The following SATL1 variants were observed in gnomAD, a reference collection of about 807,000 sequenced individuals.
SATL1 encodes the protein spermidine/spermine N(1)-acetyltransferase-like protein 1.
A neutral mutation model predicts 51.8 loss-of-function variants in SATL1; 47 were observed. The ratio of observed to expected loss-of-function variants is 0.91; its 90% CI spans 0.72 to 1.16. The LOEUF (loss-of-function observed/expected upper bound fraction) is 1.16, where lower values mean the gene tolerates loss of function less well. SATL1 is among the 50% of genes most tolerant of loss of function. SATL1 has a pLI of 0.00. For missense variants in SATL1, 520 were observed against 526.4 expected (o/e 0.99, Z 0.12); for synonymous variants, 176 against 182.4 (o/e 0.97, Z 0.28).
At chrX:85,102,110 T>C (rs1281357015) in intron 4 of SATL1, among the ~76,000 whole-genome samples, 1 of 109,406 alleles carries the variant, frequency 9.1e-6, no homozygotes, top group Non-Finnish European at 1.9e-5. Flanking sequence ...TACTTTAAGT[T>C]TTAGGGTACA....
At chrX:85,195,809 T>C (rs1927546016) in intron 2 of SATL1, among the ~76,000 whole-genome samples, 1 of 109,634 alleles carries the variant, frequency 9.1e-6, no homozygotes, top group Non-Finnish European at 1.9e-5. Flanking sequence ...ATAATAATAA[T>C]AATAATAATA....
intron 2 of SATL1, among the ~76,000 whole-genome samples, chrX:85,200,146 C>CT (rs1927660059): frequency 9.0e-6 from 1 of 111,062 alleles, no homozygotes; most frequent in African/African-American, 3.3e-5. Flanking sequence ...AAATCCCTCA[C>CT]TTTTTTTCAC....
intron 2 of SATL1, among the ~76,000 whole-genome samples, chrX:85,153,182 G>A (rs1371118484): frequency 9.1e-6 from 1 of 110,232 alleles, no homozygotes; most frequent in African/African-American, 3.3e-5. Flanking sequence ...TGGGAAAGAT[G>A]GGGGCAGGTA....
intron 2 of SATL1, among the ~76,000 whole-genome samples, chrX:85,178,866 T>C (rs1018589223): frequency 1.3e-4 from 15 of 111,725 alleles, no homozygotes; most frequent in Non-Finnish European, 2.8e-4. Context: ...TGATCATTTG[T>C]AACAAAATGC....
At chrX:85,125,748 A>G (rs1925612036) in intron 2 of SATL1, among the ~76,000 whole-genome samples, 1 of 109,650 alleles carries the variant, frequency 9.1e-6, no homozygotes, top group Non-Finnish European at 1.9e-5. Flanking sequence ...TTTTAAATAT[A>G]TATATATATA....
chrX:85,200,941 C>T (rs1927674554), intron 2 of SATL1, among the ~76,000 whole-genome samples: 1 of 110,564 alleles, frequency 9.0e-6, no homozygotes, highest in African/African-American at 3.3e-5. Flanking sequence ...GGTGTAGTGC[C>T]AATGAAGAAA....
At chrX:85,150,446 T>C (rs1225940667) in intron 2 of SATL1, among the ~76,000 whole-genome samples, 1 of 108,017 alleles carries the variant, frequency 9.3e-6, no homozygotes, top group Non-Finnish European at 1.9e-5. Flanking sequence ...AAAGAGGGAA[T>C]CCTCCCTAAC....
At chrX:85,128,838 G>C (rs1327458761) in intron 2 of SATL1, among the ~76,000 whole-genome samples, 2 of 111,976 alleles carry the variant, frequency 1.8e-5, no homozygotes, top group Non-Finnish European at 3.8e-5. Flanking sequence ...GTGTAAGGAA[G>C]GGATCCAGTT....
chrX:85,148,467 C>A (rs1332857420), intron 2 of SATL1, among the ~76,000 whole-genome samples: 2 of 110,128 alleles, frequency 1.8e-5, no homozygotes, highest in African/African-American at 3.3e-5. Flanking sequence ...ACAGAGAATG[C>A]CACAAAGATA....
chrX:85,097,877 A>G (rs1301727431), intron 4 of SATL1, among the ~76,000 whole-genome samples: 1 of 111,939 alleles, frequency 8.9e-6, no homozygotes, highest in Non-Finnish European at 1.9e-5. Context: ...CACTACAAAA[A>G]TAAAACACAC....
chrX:85,114,851 A>G (rs1338516167), intron 2 of SATL1, among the ~76,000 whole-genome samples: 2 of 112,450 alleles, frequency 1.8e-5, no homozygotes, highest in Non-Finnish European at 3.8e-5. Flanking sequence ...ATAAGGTAGG[A>G]TTCTTATAAA....
At chrX:85,224,417 A>G (rs1928236435) in intron 1 of SATL1, 91 bp from the exon 2 acceptor site, 2 of 111,622 alleles carry the variant, frequency 1.8e-5, no homozygotes, top group Admixed American at 1.9e-4. Flanking sequence ...GAGCATGGAC[A>G]TATCTTTTTG....
At chrX:85,134,330 T>TTTTC (rs1319947893) in intron 2 of SATL1, among the ~76,000 whole-genome samples, 1 of 110,971 alleles carries the variant, frequency 9.0e-6, no homozygotes, top group Non-Finnish European at 1.9e-5. Context: ...AGGGAAGGTA[T>TTTTC]GAAAGGAGGA....
chrX:85,147,554 C>T (rs1317183244), intron 2 of SATL1, among the ~76,000 whole-genome samples: 1 of 113,140 alleles, frequency 8.8e-6, no homozygotes, highest in African/African-American at 3.2e-5. Context: ...CCCGAGCAGC[C>T]TAACTAGGAG....
intron 2 of SATL1, chrX:85,210,128 T>G (rs919293060): frequency 9.5e-6 from 1 of 105,714 alleles, no homozygotes; most frequent in East Asian, 3.0e-4. Context: ...CAGAGAAACC[T>G]GCCTTCACTA....
chrX:85,126,535 C>CATT (rs1192651677), intron 2 of SATL1, among the ~76,000 whole-genome samples: 20 of 111,437 alleles, frequency 1.8e-4, no homozygotes, highest in African/African-American at 6.2e-4. Flanking sequence ...CATTTTACCA[C>CATT]TACTGCCGCT....
intron 2 of SATL1, chrX:85,117,260 T>C (rs1454853502): frequency 5.4e-5 from 6 of 111,750 alleles, no homozygotes; most frequent in African/African-American, 2.0e-4. Flanking sequence ...TATAATAAAC[T>C]TTCCCTCCTG....
chrX:85,166,935 ATGTGTATGTG>A (rs1177857648), intron 2 of SATL1, among the ~76,000 whole-genome samples: 1 of 84,734 alleles, frequency 1.2e-5, no homozygotes, highest in Non-Finnish European at 2.3e-5. Flanking sequence ...ATATATATAT[ATGTGTATGTG>A]TGTGTGTGTG....
chrX:85,133,362 T>C (rs936954325), intron 2 of SATL1, among the ~76,000 whole-genome samples: 1 of 112,028 alleles, frequency 8.9e-6, no homozygotes, highest in African/African-American at 3.2e-5. Flanking sequence ...GCCTCAGCAA[T>C]GGTGGACACC....
Sources: allele counts gnomAD v4.1 joint callset (sites outside exome capture counted in the v4.1 genomes callset), GRCh38; gene constraint gnomAD v4.1.1; transcripts MANE v1.5; gene names NCBI Gene and HGNC (gene_info 2026-07-23, HGNC 2026-07-21).